Variants in TPX2 observed in about 807,000 individuals in gnomAD.
TPX2 encodes the protein targeting protein for Xklp2.
A neutral mutation model predicts 93.6 loss-of-function variants in TPX2; 21 were observed. That is an observed-to-expected ratio of 0.22 (90% confidence interval 0.16 to 0.32). The LOEUF is 0.32. Among genes scored for constraint, TPX2 ranks in the 10% least tolerant of loss-of-function variants. The pLI is 1.00. For missense variants in TPX2, 776 were observed against 871.1 expected (o/e 0.89, Z 1.37); for synonymous variants, 281 against 298.3 (o/e 0.94, Z 0.60).
intron 2 of TPX2, among the ~76,000 whole-genome samples, chr20:31,747,021 A>G (rs2061787240): frequency 6.6e-6 from 1 of 151,960 alleles, no homozygotes; most frequent in Non-Finnish European, 1.5e-5. Flanking sequence ...CTGCACTTCC[A>G]GAGCGCTCTC....
chr20:31,785,502 G>GTT (rs1049481149), intron 12 of TPX2, among the ~76,000 whole-genome samples: 2 of 142,112 alleles, frequency 1.4e-5, no homozygotes, highest in South Asian at 2.3e-4. Flanking sequence ...TTTTTGTTTT[G>GTT]TTTTTTTTTT....
At chr20:31,778,732 C>G (rs1232579583) in intron 9 of TPX2, 81 bp from the exon 10 acceptor site, 1 of 1,336,162 alleles carries the variant, frequency 7.5e-7, no homozygotes, top group African/African-American at 1.5e-5. Context: ...TTTATTGATC[C>G]TCTGTGCCGA....
At chr20:31,781,253 CTTTT>C (rs1007150417) in intron 10 of TPX2, among the ~76,000 whole-genome samples, 2 of 116,766 alleles carry the variant, frequency 1.7e-5, no homozygotes, top group East Asian at 2.5e-4. Flanking sequence ...GGCCTTATAT[CTTTT>C]TTTTTTTTTT....
intron 7 of TPX2, among the ~76,000 whole-genome samples, chr20:31,775,115 A>G (rs2061987866): frequency 2.0e-5 from 3 of 151,594 alleles, no homozygotes; most frequent in Non-Finnish European, 4.4e-5. Context: ...GCCTGCCACT[A>G]CATCTGGCTA....
At chr20:31,776,189 T>C (rs2061997988) in intron 8 of TPX2, among the ~76,000 whole-genome samples, 1 of 149,180 alleles carries the variant, frequency 6.7e-6, no homozygotes, top group Non-Finnish European at 1.5e-5. Context: ...CACGCCATTC[T>C]CCTGCCTCAG....
chr20:31,793,286 T>C (rs1303235614), intron 13 of TPX2, among the ~76,000 whole-genome samples: 1 of 152,248 alleles, frequency 6.6e-6, no homozygotes, highest in Non-Finnish European at 1.5e-5. Flanking sequence ...AATTGTAATA[T>C]ATAAACTGTC....
chr20:31,783,204 A>G (rs2062044805), intron 11 of TPX2, among the ~76,000 whole-genome samples: 1 of 151,990 alleles, frequency 6.6e-6, no homozygotes, highest in African/African-American at 2.4e-5. Context: ...TAGGGATGTT[A>G]GGACTGTCTG....
intron 7 of TPX2, among the ~76,000 whole-genome samples, chr20:31,773,662 A>C (rs1221518508): frequency 6.6e-6 from 1 of 152,122 alleles, no homozygotes; most frequent in Non-Finnish European, 1.5e-5. Context: ...TTAACTTATA[A>C]AATTGTTTCT....
chr20:31,765,454 T>TTTG (rs928620717), intron 4 of TPX2, among the ~76,000 whole-genome samples: 18 of 152,032 alleles, frequency 1.2e-4, no homozygotes, highest in African/African-American at 2.2e-4. Flanking sequence ...TCATATTGGT[T>TTTG]TTGTTGTTGT....
chr20:31,799,571 T>G (rs2062157485), intron 17 of TPX2, among the ~76,000 whole-genome samples: 1 of 152,136 alleles, frequency 6.6e-6, no homozygotes, highest in South Asian at 2.1e-4. Flanking sequence ...ACATCAGCGG[T>G]ACACAATAAA....
chr20:31,747,069 G>A (rs1422355455), intron 2 of TPX2, among the ~76,000 whole-genome samples: 5 of 152,264 alleles, frequency 3.3e-5, no homozygotes, highest in East Asian at 1.9e-4. Context: ...GCCCTATATT[G>A]TAATTGTTTG....
chr20:31,742,886 G>A (rs956070784), intron 2 of TPX2, among the ~76,000 whole-genome samples: 3 of 151,864 alleles, frequency 2.0e-5, no homozygotes, highest in African/African-American at 7.3e-5. Flanking sequence ...GATATCCATG[G>A]GGAATTGGTT....
At chr20:31,794,350 A>G (rs2062121565) in intron 14 of TPX2, 52 bp from the exon 15 acceptor site, 19 of 1,588,882 alleles carry the variant, frequency 1.2e-5, no homozygotes, top group Non-Finnish European at 1.5e-5. Flanking sequence ...TGGAGCAGCT[A>G]TTGCTTTCCA....
chr20:31,786,400 GTT>G (rs369303743), intron 12 of TPX2, among the ~76,000 whole-genome samples: 1 of 89,356 alleles, frequency 1.1e-5, no homozygotes. Flanking sequence ...CTGAACTACT[GTT>G]TTTTTTTTTT....
At chr20:31,760,564 C>T (rs2061883258) in intron 4 of TPX2, among the ~76,000 whole-genome samples, 1 of 152,018 alleles carries the variant, frequency 6.6e-6, no homozygotes, top group African/African-American at 2.4e-5. Flanking sequence ...TCTTTGCTAG[C>T]CAAGCTGGTC....
intron 3 of TPX2, among the ~76,000 whole-genome samples, chr20:31,758,659 T>C (rs1600362902): frequency 6.6e-6 from 1 of 152,182 alleles, no homozygotes; most frequent in South Asian, 2.1e-4. Flanking sequence ...GCTGTACTTA[T>C]CCGTATAGTG....
At chr20:31,755,537 G>A (rs1475309426) in intron 2 of TPX2, among the ~76,000 whole-genome samples, 1 of 151,608 alleles carries the variant, frequency 6.6e-6, no homozygotes, top group Non-Finnish European at 1.5e-5. Context: ...GCCGAGGTGG[G>A]TGGATCACTT....
intron 11 of TPX2, among the ~76,000 whole-genome samples, chr20:31,782,893 C>CAT (rs1555787490): frequency 2.9e-5 from 1 of 34,778 alleles, no homozygotes; most frequent in Non-Finnish European, 7.3e-5. Context: ...CACACATACA[C>CAT]ACACACACAC....
rs202141712 is a variant in TPX2, at chr20:31,760,182, A to G, written c.229+3A>G. On this transcript the variant is annotated splice_donor_region_variant and intron_variant, in intron 4 of 17. Coordinates refer to ENST00000300403, the MANE Select transcript of TPX2 (RefSeq NM_012112.5). ...TATTGTCACACCTTTGAAACCAGGT[A>G]AGAAAACATCTTAGAAAAAAGCTCC... 1.9e-6 allele frequency: 3 copies of G among 1,613,442 alleles called. No homozygotes were observed. Among genetic ancestry groups the G allele is most frequent in the Non-Finnish European group, 2.5e-6 (3 of 1,179,732 alleles).
Sources: allele counts gnomAD v4.1 joint callset (sites outside exome capture counted in the v4.1 genomes callset), GRCh38; gene constraint gnomAD v4.1.1; transcripts MANE v1.5; gene names NCBI Gene and HGNC (gene_info 2026-07-23, HGNC 2026-07-21).